REV3L: variants seen among roughly 807,000 people sequenced by gnomAD.
The protein encoded by REV3L is DNA polymerase zeta catalytic subunit.
A neutral mutation model predicts 299.4 loss-of-function variants in REV3L; 69 were observed. That is an observed-to-expected ratio of 0.23 (90% confidence interval 0.19 to 0.28). REV3L has a LOEUF of 0.28. Among genes scored for constraint, REV3L ranks in the 10% least tolerant of loss-of-function variants. The pLI is 1.00. For missense variants in REV3L, 3,128 were observed against 3,693.8 expected (o/e 0.85, Z 3.97); for synonymous variants, 1,238 against 1,271.4 (o/e 0.97, Z 0.56).
At chr6:111,481,287 C>T (rs1265572291) in intron 1 of REV3L, among the ~76,000 whole-genome samples, 1 of 152,074 alleles carries the variant, frequency 6.6e-6, no homozygotes, top group African/African-American at 2.4e-5. Context: ...ACTGAAATTC[C>T]AATTGGAAAC....
chr6:111,384,716 C>CAGCAAA (rs1781168052), intron 9 of REV3L, among the ~76,000 whole-genome samples: 1 of 152,038 alleles, frequency 6.6e-6, no homozygotes, highest in Non-Finnish European at 1.5e-5. Flanking sequence ...ATAGAACTAC[C>CAGCAAA]ATATAATCCA....
chr6:111,327,553 C>CAA (rs59319946), intron 25 of REV3L, among the ~76,000 whole-genome samples: 228 of 70,550 alleles, frequency 3.2e-3, no homozygotes, highest in Middle Eastern at 0.011. Flanking sequence ...GACGCTGTTT[C>CAA]AAAAAAAAAA....
rs1055904829 is a variant in REV3L, at chr6:111,392,960, T to A, written c.578A>T (p.His193Leu). The A allele has an allele frequency of 6.2e-7, 1 of 1,600,144 alleles. No homozygotes were observed. Among genetic ancestry groups the A allele is most frequent in the African/African-American group, 1.3e-5 (1 of 74,764 alleles). The change falls in exon 5 of 32, where the codon CAT becomes CTT. Residue 193 changes from histidine (H) to leucine (L), a missense_variant. Around this residue, in one of 9 missense-constraint regions of REV3L, gnomAD observed 2,409 missense variants for 2,611.8 expected, o/e 0.92. Coordinates refer to ENST00000368802, the MANE Select transcript of REV3L (RefSeq NM_001372078.1). Reference protein sequence around the residue: ...RKARRKSNTLHATGSCKNHLS... With the variant: ...RKARRKSNTLLATGSCKNHLS... ...ATGATTCTTGCAGGATCCAGTTGCA[T>A]GCAATGTATTACCTAGGAATAGAAA...
intron 1 of REV3L, among the ~76,000 whole-genome samples, chr6:111,420,309 T>G (rs1450154053): frequency 6.6e-6 from 1 of 152,226 alleles, no homozygotes; most frequent in Admixed American, 6.5e-5. Context: ...GTATACACCA[T>G]GAAATGATTA....
At chr6:111,423,661 C>A (rs1306858610) in intron 1 of REV3L, among the ~76,000 whole-genome samples, 2 of 152,042 alleles carry the variant, frequency 1.3e-5, no homozygotes, top group Non-Finnish European at 2.9e-5. Context: ...ACACTAGCAA[C>A]AGAACTACAG....
chr6:111,392,792 A>T, intron 5 of REV3L, 84 bp downstream of exon 5: 1 of 861,496 alleles, frequency 1.2e-6, no homozygotes, highest in Non-Finnish European at 1.9e-6. Context: ...ATAAAAGGTT[A>T]AAATTTAATT....
At chr6:111,434,389 C>A (rs142703391) in intron 1 of REV3L, among the ~76,000 whole-genome samples, 1 of 151,276 alleles carries the variant, frequency 6.6e-6, no homozygotes, top group African/African-American at 2.4e-5. Context: ...CCGAAGTGGG[C>A]GCATCACCAG....
chr6:111,362,770 T>C (rs757565027), intron 16 of REV3L, among the ~76,000 whole-genome samples: 3 of 152,234 alleles, frequency 2.0e-5, no homozygotes, highest in Non-Finnish European at 4.4e-5. Context: ...TGTAATTTCA[T>C]ACAACTTAAG....
At position 111,343,938 on chromosome 6, in the gene REV3L, T is replaced by C. The variant is rs1776783192; in HGVS notation, c.7525A>G (p.Thr2509Ala). The change falls in exon 21 of 32, where the codon ACA becomes GCA. Residue 2509 changes from threonine (T) to alanine (A), a missense_variant. Thr to Ala is a moderately conservative substitution (Grantham distance 58). Transcript: ENST00000368802. The part of the protein sequence containing the change: ...RVLSDWFDNK[T>A]DLYRWKMVDH... ...ATAGAACAGTACCTGTATAGATCTGTCTTGTTATCAAACCAGTCTGACAAG... is the reference window on the plus strand; with the variant it reads ...ATAGAACAGTACCTGTATAGATCTGCCTTGTTATCAAACCAGTCTGACAAG... The C allele has an allele frequency of 2.5e-6, 4 of 1,599,000 alleles. No individual in the cohort carries two copies. Among genetic ancestry groups the C allele is most frequent in the African/African-American group, 1.3e-5 (1 of 74,414 alleles).
chr6:111,462,730 G>C (rs1485149238), intron 1 of REV3L, among the ~76,000 whole-genome samples: 1 of 152,032 alleles, frequency 6.6e-6, no homozygotes, highest in Non-Finnish European at 1.5e-5. Flanking sequence ...GATCACTTTG[G>C]AAAACAATTT....
chr6:111,315,388 G>C lies in REV3L; in HGVS notation c.8352-7C>G. The stretch of plus-strand genomic sequence containing the variant: ...TTTCAGTAGCACAAACATACTAAGG[G>C]GATTAAAAATAAAGTAAGGTAATGA... On this transcript the variant is annotated splice_polypyrimidine_tract_variant and splice_region_variant and intron_variant, in intron 26 of 31. Transcript: ENST00000368802. The C allele has an allele frequency of 6.2e-7, 1 of 1,604,928 alleles. No individual in the cohort carries two copies. The highest frequency in any genetic ancestry group is 8.5e-7 in the Non-Finnish European group (1 of 1,174,048).
At chr6:111,401,488 G>C (rs1013116141) in intron 4 of REV3L, among the ~76,000 whole-genome samples, 1 of 152,166 alleles carries the variant, frequency 6.6e-6, no homozygotes, top group African/African-American at 2.4e-5. Context: ...AAGATACAGA[G>C]AAGATAAGAA....
At chr6:111,323,084 G>A (rs1457847217) in intron 25 of REV3L, among the ~76,000 whole-genome samples, 1 of 151,996 alleles carries the variant, frequency 6.6e-6, no homozygotes, top group African/African-American at 2.4e-5. Context: ...TGCCTCCTGG[G>A]TTCAAGCGAT....
At chr6:111,407,623 T>C (rs1181316127) in intron 3 of REV3L, among the ~76,000 whole-genome samples, 1 of 152,134 alleles carries the variant, frequency 6.6e-6, no homozygotes, top group Admixed American at 6.6e-5. Flanking sequence ...GTAGAAGCCA[T>C]ATTGTAGTAA....
At chr6:111,468,497 C>CTT (rs763594166) in intron 1 of REV3L, among the ~76,000 whole-genome samples, 6 of 152,056 alleles carry the variant, frequency 3.9e-5, no homozygotes, top group Non-Finnish European at 7.4e-5. Flanking sequence ...GAAGGAAATA[C>CTT]CATAAGGGCC....
In REV3L at chr6:111,299,934, GA is replaced by G; in HGVS notation, c.*81del. ...AGACAGTGAACATCCTTGACTCGAT[GA>G]AAGTTAAAAAGCACCATGCACAACA... is the stretch of plus-strand genomic sequence containing the variant. On this transcript the variant is annotated 3_prime_UTR_variant, in exon 32 of 32. Coordinates refer to ENST00000368802, the MANE Select transcript of REV3L (RefSeq NM_001372078.1). 1 of 1,363,212 alleles carries G rather than the reference GA, an allele frequency of 7.3e-7. No individual in the cohort carries two copies. Among genetic ancestry groups the G allele is most frequent in the Admixed American group, 2.3e-5 (1 of 42,872 alleles). 84.4% of individuals were successfully genotyped at this position (1,363,212 alleles called of 1,614,324 possible). A position where few individuals can be genotyped will look rare whatever the true frequency, so the allele number is the denominator to read the frequency against.
In REV3L at chr6:111,374,248, T is replaced by C. The variant is rs537030557; in HGVS notation, c.4107A>G (p.Ala1369=). The C allele has an allele frequency of 1.2e-6, 2 of 1,613,590 alleles. No homozygotes were observed. The highest frequency in any genetic ancestry group is 2.2e-5 in the East Asian group (1 of 44,876). Reference sequence around the variant, plus strand: ...TACCAGAAGATATCTGTGTATTCTGTGCTACCTGAGATAAATGATTGGAAA... The same window carrying C: ...TACCAGAAGATATCTGTGTATTCTGCGCTACCTGAGATAAATGATTGGAAA... ...FDLSNHLSQV[A]QNTQISSGMS... Residue 1369 remains alanine (A), a synonymous_variant, in exon 13 of 32, where the codon GCA becomes GCG. Transcript: ENST00000368802.
In REV3L at chr6:111,373,601, G is replaced by C; in HGVS notation, c.4754C>G (p.Thr1585Ser). The change falls in exon 13 of 32, where the codon ACT becomes AGT. Residue 1585 changes from threonine to serine, a missense_variant. Physicochemically the swap from Thr to Ser is moderately conservative, Grantham distance 58. This residue lies in a region of REV3L where 2,409 missense variants were observed against 2,611.8 expected (regional missense o/e 0.92). Coordinates refer to ENST00000368802, the MANE Select transcript of REV3L (RefSeq NM_001372078.1). ...RSVTSPRKPR[T>S]PRSTKQKEKI... is the part of the protein sequence containing the mutation. ...TTCTTTTTGTTTTGTACTTCTGGGAGTTCGAGGTTTTCTTGGGGACGTTAC... is the reference window on the plus strand; with the variant it reads ...TTCTTTTTGTTTTGTACTTCTGGGACTTCGAGGTTTTCTTGGGGACGTTAC... 1 of 1,614,054 alleles carries C rather than the reference G, an allele frequency of 6.2e-7. No homozygotes were observed. The highest frequency in any genetic ancestry group is 8.5e-7 in the Non-Finnish European group (1 of 1,179,986).
intron 16 of REV3L, among the ~76,000 whole-genome samples, chr6:111,359,402 TAA>T (rs927961061): frequency 3.3e-5 from 5 of 150,834 alleles, no homozygotes; most frequent in African/African-American, 1.2e-4. Context: ...TAGTTTAAAG[TAA>T]AAAGAGAGCT....
Sources: gnomAD v4.1 joint callset for allele counts (sites outside exome capture counted in the v4.1 genomes callset) on GRCh38, gnomAD v4.1.1 for gene constraint, gnomAD v4.1.1 regional missense constraint, MANE v1.5 for transcripts, NCBI Gene and HGNC (gene_info 2026-07-23, HGNC 2026-07-21) for gene names.